NPAT: variants seen among roughly 807,000 people sequenced by gnomAD.
NPAT encodes the protein protein NPAT.
NPAT carries 52 observed loss-of-function variants against 130.7 expected under a neutral mutation model. The ratio of observed to expected loss-of-function variants is 0.40; its 90% confidence interval spans 0.32 to 0.50. NPAT has a LOEUF of 0.50. NPAT is among the 20% of genes least tolerant of loss of function. NPAT has a pLI of 0.68. For synonymous variants in NPAT, 580 were observed against 584.8 expected (o/e 0.99, Z 0.12); for missense variants, 1,687 against 1,662.6 (o/e 1.01, Z -0.26).
In NPAT at chr11:108,176,359, T is replaced by C. The variant is rs780835797; in HGVS notation, c.1019A>G (p.Asn340Ser). 4 of 1,551,108 alleles carry C rather than the reference T, an allele frequency of 2.6e-6. No individual in the cohort carries two copies. The highest frequency in any genetic ancestry group is 3.6e-6 in the Non-Finnish European group (4 of 1,123,534). ...GGAAATACTTTGTGATATATTTTTATTATTCTTTGTTTTGCCTGTTAAAAA... is the reference window on the plus strand; with the variant it reads ...GGAAATACTTTGTGATATATTTTTACTATTCTTTGTTTTGCCTGTTAAAAA... ...DLFDYGKTKNNKNISQSISSQ... is the reference protein window; with the variant it reads ...DLFDYGKTKNSKNISQSISSQ... Residue 340 changes from asparagine (N) to serine (S), a missense_variant, in exon 12 of 18, where the codon AAT becomes AGT. Physicochemically the swap from Asn to Ser is conservative, Grantham distance 46 (BLOSUM62 1). Around this residue, in one of 3 missense-constraint regions of NPAT, gnomAD observed 1,379 missense variants for 1,346.6 expected, o/e 1.02. Transcript: ENST00000278612.
chr11:108,165,724 A>C (rs2077896265), intron 15 of NPAT, among the ~76,000 whole-genome samples: 2 of 150,390 alleles, frequency 1.3e-5, no homozygotes, highest in African/African-American at 4.9e-5. Flanking sequence ...TCCGCCTCCC[A>C]GGTTCACACC....
intron 4 of NPAT, among the ~76,000 whole-genome samples, 183 bp from the exon 5 acceptor site, chr11:108,190,683 T>C (rs925059095): frequency 8.5e-5 from 13 of 152,100 alleles, no homozygotes; most frequent in Admixed American, 3.9e-4. Context: ...AGGAGAAAAA[T>C]AGTGGCATGT....
chr11:108,191,237 C>T (rs2078166591), intron 4 of NPAT, among the ~76,000 whole-genome samples: 1 of 151,862 alleles, frequency 6.6e-6, no homozygotes, highest in Admixed American at 6.6e-5. Flanking sequence ...CTTCAGAATC[C>T]CCAAGTTGAT....
intron 13 of NPAT, among the ~76,000 whole-genome samples, chr11:108,170,515 A>C (rs1023768889): frequency 4.6e-5 from 7 of 151,822 alleles, no homozygotes; most frequent in African/African-American, 1.7e-4. Context: ...AATGGTATTG[A>C]TCAAAAGGGG....
chr11:108,211,312 CAGG>C (rs1316856533), intron 1 of NPAT, among the ~76,000 whole-genome samples: 2 of 152,150 alleles, frequency 1.3e-5, no homozygotes, highest in Non-Finnish European at 2.9e-5. Flanking sequence ...GAGGCCGAGG[CAGG>C]AGGATTGCTT....
At chr11:108,177,208 G>T (rs1393501866) in intron 10 of NPAT, 118 bp from the exon 11 acceptor site, 1 of 441,552 alleles carries the variant, frequency 2.3e-6, no homozygotes, top group East Asian at 4.2e-5. Flanking sequence ...TAGTGGTACA[G>T]TGGTAGAGTC....
chr11:108,191,369 T>C (rs937711903), intron 4 of NPAT, among the ~76,000 whole-genome samples: 2 of 152,160 alleles, frequency 1.3e-5, no homozygotes, highest in African/African-American at 2.4e-5. Context: ...TAGTATGAAT[T>C]AGAGTGGCCC....
At chr11:108,203,891 A>G (rs529308297) in intron 1 of NPAT, among the ~76,000 whole-genome samples, 2 of 152,294 alleles carry the variant, frequency 1.3e-5, no homozygotes, top group East Asian at 3.9e-4. Context: ...TCCTCTTTGT[A>G]TAATACACAT....
chr11:108,198,250 T>C (rs1281247424), intron 1 of NPAT, among the ~76,000 whole-genome samples: 1 of 152,182 alleles, frequency 6.6e-6, no homozygotes, highest in Non-Finnish European at 1.5e-5. Flanking sequence ...CATTATATTA[T>C]TTAAAACATC....
chr11:108,165,471 T>TA (rs1316061208), intron 15 of NPAT, among the ~76,000 whole-genome samples: 1 of 92,300 alleles, frequency 1.1e-5, no homozygotes, highest in Non-Finnish European at 2.2e-5. Flanking sequence ...TATATATATA[T>TA]ATTTTTTTTT....
At chr11:108,185,515 T>A (rs1249417837) in intron 8 of NPAT, 21 bp from the exon 9 acceptor site, 1 of 1,448,368 alleles carries the variant, frequency 6.9e-7, no homozygotes, top group African/African-American at 1.4e-5. Flanking sequence ...AAGCCACTGT[T>A]AGCAAAAGGA....
chr11:108,193,277 T>C (rs950764079), intron 3 of NPAT, among the ~76,000 whole-genome samples: 1 of 152,250 alleles, frequency 6.6e-6, no homozygotes, highest in Non-Finnish European at 1.5e-5. Flanking sequence ...AAAATTAAAA[T>C]GTCAGTTTAA....
At chr11:108,217,517 A>C (rs533661433) in intron 1 of NPAT, among the ~76,000 whole-genome samples, 1 of 152,190 alleles carries the variant, frequency 6.6e-6, no homozygotes, top group African/African-American at 2.4e-5. Flanking sequence ...GCAGTTTTCA[A>C]GAACCTATTG....
chr11:108,172,830 T>C lies in NPAT; in HGVS notation c.2154A>G (p.Gln718=). The C allele has an allele frequency of 6.2e-7, 1 of 1,613,896 alleles. No homozygotes were observed. Among genetic ancestry groups the C allele is most frequent in the South Asian group, 1.1e-5 (1 of 91,078 alleles). Residue 718 remains glutamine (Q), a synonymous_variant, in exon 13 of 18, where the codon CAA becomes CAG. Transcript: ENST00000278612. ...SSVGDSHPES[Q]NTDDKPSSNN... is the part of the protein sequence containing the mutation. ...TGCTAGAAGGTTTATCATCAGTATTTTGGGACTCAGGGTGAGAATCTCCCA... is the reference window on the plus strand; with the variant it reads ...TGCTAGAAGGTTTATCATCAGTATTCTGGGACTCAGGGTGAGAATCTCCCA...
chr11:108,192,902 C>T (rs1045912946), intron 3 of NPAT, among the ~76,000 whole-genome samples: 9 of 151,728 alleles, frequency 5.9e-5, no homozygotes, highest in South Asian at 2.1e-4. Context: ...TGCGGTGAGC[C>T]GAGATCGCGC....
intron 1 of NPAT, among the ~76,000 whole-genome samples, chr11:108,220,496 T>A (rs916108725): frequency 6.6e-6 from 1 of 152,136 alleles, no homozygotes; most frequent in Non-Finnish European, 1.5e-5. Flanking sequence ...TTCTCTATGT[T>A]CAGCAATTGG....
At chr11:108,206,237 G>A (rs932145063) in intron 1 of NPAT, among the ~76,000 whole-genome samples, 14 of 152,228 alleles carry the variant, frequency 9.2e-5, no homozygotes, top group East Asian at 3.9e-4. Context: ...TTAGGGTGTC[G>A]CTTTTCCAGT....
chr11:108,219,000 C>T (rs1000553223), intron 1 of NPAT, among the ~76,000 whole-genome samples: 2 of 152,138 alleles, frequency 1.3e-5, no homozygotes, highest in Non-Finnish European at 2.9e-5. Context: ...GTGAATAGAA[C>T]CAGCAGCTCT....
intron 1 of NPAT, among the ~76,000 whole-genome samples, chr11:108,220,718 T>C (rs1046562856): frequency 8.5e-5 from 13 of 152,210 alleles, no homozygotes; most frequent in Non-Finnish European, 1.3e-4. Flanking sequence ...GCATTAGGCA[T>C]GGGGAGGCTT....
Sources: gnomAD v4.1 joint callset for allele counts (sites outside exome capture counted in the v4.1 genomes callset) on GRCh38, gnomAD v4.1.1 for gene constraint, gnomAD v4.1.1 regional missense constraint, MANE v1.5 for transcripts, NCBI Gene and HGNC (gene_info 2026-07-23, HGNC 2026-07-21) for gene names.